ZNF740: variants seen among roughly 807,000 people sequenced by gnomAD.
ZNF740 encodes the protein oriLyt TD-element-binding protein 7.
A neutral mutation model predicts 24.8 loss-of-function variants in ZNF740; 14 were observed. That is an observed-to-expected ratio of 0.56 (90% CI 0.37 to 0.88). The LOEUF is 0.88. Ranked by LOEUF, ZNF740 falls within the 40% of genes least tolerant of loss-of-function variation. ZNF740 has a pLI of 0.00. For synonymous variants in ZNF740, 69 were observed against 84.0 expected (o/e 0.82, Z 0.98); for missense variants, 201 against 247.9 (o/e 0.81, Z 1.27).
chr12:53,190,887 G>A lies in ZNF740; in HGVS notation c.*3297G>A, dbSNP rs1163022379. 1 of 152,558 alleles carries A rather than the reference G, an allele frequency of 6.6e-6. No homozygotes were observed. Among genetic ancestry groups the A allele is most frequent in the Non-Finnish European group, 1.5e-5 (1 of 68,424 alleles). 9.5% of individuals were successfully genotyped at this position (152,558 alleles called of 1,614,324 possible). On this transcript the variant is annotated 3_prime_UTR_variant, in exon 7 of 7. Transcript: ENST00000416904. ...TACATACTATCTCCTCTTTGGGGAA[G>A]CTTTTTCATACTGGTTTTAGTTGTT...
Position 53,192,770 on chromosome 12 carries a change from G to A in ZNF740, c.*5180G>A, listed in dbSNP as rs377089571. ...TAGTAGCCGTCCAAGCACTGGCAGCGGTTGCATTTGCAGCGTCCATGCCCA... is the reference window on the plus strand; with the variant it reads ...TAGTAGCCGTCCAAGCACTGGCAGCAGTTGCATTTGCAGCGTCCATGCCCA... On this transcript the variant is annotated 3_prime_UTR_variant, in exon 7 of 7. Coordinates refer to ENST00000416904, the MANE Select transcript of ZNF740 (RefSeq NM_001004304.4). The A allele has an allele frequency of 8.1e-6, 13 of 1,614,116 alleles. No individual in the cohort carries two copies. The highest frequency in any genetic ancestry group is 4.0e-5 in the African/African-American group (3 of 74,948).
intron 2 of ZNF740, 118 bp from the exon 3 acceptor site, chr12:53,184,773 C>A: frequency 1.7e-6 from 2 of 1,208,746 alleles, no homozygotes; most frequent in Non-Finnish European, 1.2e-6. Flanking sequence ...TGAGGAGGGA[C>A]ATTCCCTGGA....
intron 2 of ZNF740, 34 bp downstream of exon 2, chr12:53,182,026 T>C (rs750415667): frequency 4.4e-6 from 7 of 1,602,182 alleles, no homozygotes; most frequent in Admixed American, 1.7e-5. Flanking sequence ...CCAAGATAAC[T>C]GGGAAGCCTG....
At position 53,193,567 on chromosome 12, in the gene ZNF740, A is replaced by G. The variant is rs1942046145; in HGVS notation, c.*5977A>G. 1 of 816,940 alleles carries G rather than the reference A, an allele frequency of 1.2e-6. No individual in the cohort carries two copies. Among genetic ancestry groups the G allele is most frequent in the African/African-American group, 1.7e-5 (1 of 57,356 alleles). The allele number at this position is 816,940 out of a possible 1,614,324, so 50.6% of individuals were successfully genotyped here. A position where few individuals can be genotyped will look rare whatever the true frequency, so the allele number is the denominator to read the frequency against. The stretch of plus-strand genomic sequence containing the variant: ...GGGGAGGGCCTGGACATACATGGGA[A>G]GCTTCAAGGGATGAAACTGAGTGGG... On this transcript the variant is annotated 3_prime_UTR_variant, in exon 7 of 7. Coordinates refer to ENST00000416904, the MANE Select transcript of ZNF740 (RefSeq NM_001004304.4).
chr12:53,181,307 C>G, intron 1 of ZNF740: 1 of 985,408 alleles, frequency 1.0e-6, no homozygotes, highest in Non-Finnish European at 1.2e-6. Flanking sequence ...CAGCGATGGC[C>G]CTTGAGCTTT....
At position 53,194,144 on chromosome 12, in the gene ZNF740, T is replaced by C; in HGVS notation, c.*6554T>C. On this transcript the variant is annotated 3_prime_UTR_variant, in exon 7 of 7. Transcript: ENST00000416904. The stretch of plus-strand genomic sequence containing the variant: ...ACCCATCTTTTCCTGCCTGCTTAAT[T>C]TCCCACTCCCACCTCCCCCTGCCCG... 1 of 1,609,960 alleles carries C rather than the reference T, an allele frequency of 6.2e-7. No individual in the cohort carries two copies. Among genetic ancestry groups the C allele is most frequent in the Non-Finnish European group, 8.5e-7 (1 of 1,177,134 alleles).
At chr12:53,185,255 A>G (rs1158131043) in intron 3 of ZNF740, 132 bp from the exon 4 acceptor site, 1 of 1,165,736 alleles carries the variant, frequency 8.6e-7, no homozygotes, top group East Asian at 2.5e-5. Context: ...GAGAGGAAAT[A>G]GTTGTATACT....
rs924489464 is a variant in ZNF740, at chr12:53,194,502, G to A, written c.*6912G>A. The A allele has an allele frequency of 4.6e-6, 3 of 657,408 alleles. No homozygotes were observed. The highest frequency in any genetic ancestry group is 3.6e-5 in the African/African-American group (2 of 54,926). 40.7% of individuals were successfully genotyped at this position (657,408 alleles called of 1,614,324 possible). The stretch of plus-strand genomic sequence containing the variant: ...CCAGTCGAGGCATTTCTGGAGGGAG[G>A]ACCCGTGAGAACCTTGCATAGAACA... On this transcript the variant is annotated 3_prime_UTR_variant, in exon 7 of 7. Transcript: ENST00000416904.
At chr12:53,182,969 A>C (rs535732652) in intron 2 of ZNF740, among the ~76,000 whole-genome samples, 1 of 152,346 alleles carries the variant, frequency 6.6e-6, no homozygotes, top group East Asian at 1.9e-4. Context: ...AGCTATGTGC[A>C]CACATCTCCA....
intron 5 of ZNF740, 88 bp from the exon 6 acceptor site, chr12:53,186,303 A>T: frequency 7.8e-7 from 1 of 1,290,020 alleles, no homozygotes; most frequent in Non-Finnish European, 1.1e-6. Flanking sequence ...TCTACACATT[A>T]CTAAGAGTTA....
In ZNF740 at chr12:53,194,019, C is replaced by T. The variant is rs1040430045; in HGVS notation, c.*6429C>T. 1.8e-5 allele frequency: 24 copies of T among 1,305,922 alleles called. No individual in the cohort carries two copies. Among genetic ancestry groups the T allele is most frequent in the Non-Finnish European group, 2.6e-5 (24 of 937,974 alleles). The allele number at this position is 1,305,922 out of a possible 1,614,324, so 80.9% of individuals were successfully genotyped here. A position where few individuals can be genotyped will look rare whatever the true frequency, so the allele number is the denominator to read the frequency against. ...ATGAAGGGATGGGGTCATGTTAACACCCAACTCCTAGAAACATGCCTGAGG... is the reference window on the plus strand; with the variant it reads ...ATGAAGGGATGGGGTCATGTTAACATCCAACTCCTAGAAACATGCCTGAGG... On this transcript the variant is annotated 3_prime_UTR_variant, in exon 7 of 7. Transcript: ENST00000416904.
rs1250032343 is a variant in ZNF740 at position 53,191,501 on chromosome 12, C to G, written c.*3911C>G. On this transcript the variant is annotated 3_prime_UTR_variant, in exon 7 of 7. Coordinates refer to ENST00000416904, the MANE Select transcript of ZNF740 (RefSeq NM_001004304.4). ...ACAGACCCACCCTTCCTCTCACCCT[C>G]CAGTTCCCACTGTCCTCCAAGGAGA... 1.4e-6 allele frequency: 2 copies of G among 1,399,966 alleles called. No individual in the cohort carries two copies. Among genetic ancestry groups the G allele is most frequent in the Non-Finnish European group, 2.0e-6 (2 of 984,946 alleles). 86.7% of individuals were successfully genotyped at this position (1,399,966 alleles called of 1,614,324 possible).
In ZNF740 at chr12:53,192,028, A is replaced by C. The variant is rs995557067; in HGVS notation, c.*4438A>C. 2 of 1,609,594 alleles carry C rather than the reference A, an allele frequency of 1.2e-6. No individual in the cohort carries two copies. The highest frequency in any genetic ancestry group is 2.7e-5 in the African/African-American group (2 of 74,768). ...CGTGTGGTCTGCTCCCTCTGTGAAC[A>C]AGAAACCAGACACACTTGTGGGAGC... On this transcript the variant is annotated 3_prime_UTR_variant, in exon 7 of 7. Coordinates refer to ENST00000416904, the MANE Select transcript of ZNF740 (RefSeq NM_001004304.4).
Position 53,191,414 on chromosome 12 carries a change from C to A in ZNF740, c.*3824C>A, listed in dbSNP as rs550074073. 2.8e-6 allele frequency: 2 copies of A among 710,036 alleles called. No homozygotes were observed. Among genetic ancestry groups the A allele is most frequent in the African/African-American group, 3.5e-5 (2 of 57,678 alleles). The allele number at this position is 710,036 out of a possible 1,614,324, so 44.0% of individuals were successfully genotyped here. A position where few individuals can be genotyped will look rare whatever the true frequency, so the allele number is the denominator to read the frequency against. ...GGAAGCAGCCCTCTTGGGTGTCACT[C>A]TGAAAATGAAGTAGGGTGGTGGCCG... On this transcript the variant is annotated 3_prime_UTR_variant, in exon 7 of 7. Transcript: ENST00000416904.
chr12:53,186,049 C>T lies in ZNF740; in HGVS notation c.345C>T (p.His115=), dbSNP rs374864002. The T allele has an allele frequency of 2.5e-6, 4 of 1,613,892 alleles. No individual in the cohort carries two copies. The highest frequency in any genetic ancestry group is 2.5e-6 in the Non-Finnish European group (3 of 1,179,824). Residue 115 remains histidine, a synonymous_variant, in exon 5 of 7, where the codon CAC becomes CAT. Transcript: ENST00000416904. ...HCFGAFRSSY[H]LKRHILIHTG... Reference sequence around the variant, plus strand: ...TTGGAGCCTTTCGGAGCAGTTACCACCTAAAGAGGCACATCCTTATTCACA... The same window carrying T: ...TTGGAGCCTTTCGGAGCAGTTACCATCTAAAGAGGCACATCCTTATTCACA...
At position 53,195,096 on chromosome 12, in the gene ZNF740, C is replaced by G. The variant is rs1592401364; in HGVS notation, c.*7506C>G. On this transcript the variant is annotated 3_prime_UTR_variant, in exon 7 of 7. Transcript: ENST00000416904. ...ATGAAGTAGCAAACAGTATGTACAC[C>G]TAGGATGGTGGGCGCATGAAATAAA... 2 of 476,474 alleles carry G rather than the reference C, an allele frequency of 4.2e-6. No homozygotes were observed. Among genetic ancestry groups the G allele is most frequent in the Non-Finnish European group, 7.7e-6 (2 of 261,404 alleles). 29.5% of individuals were successfully genotyped at this position (476,474 alleles called of 1,614,324 possible). A position where few individuals can be genotyped will look rare whatever the true frequency, so the allele number is the denominator to read the frequency against.
At chr12:53,186,753 C>A in intron 6 of ZNF740, 1 of 375,260 alleles carries the variant, frequency 2.7e-6, no homozygotes, top group Non-Finnish European at 4.9e-6. Context: ...ACTGTGAGAG[C>A]ATACTTTACA....
intron 3 of ZNF740, 140 bp from the exon 4 acceptor site, chr12:53,185,246 AG>A: frequency 1.7e-6 from 2 of 1,149,422 alleles, no homozygotes; most frequent in Non-Finnish European, 2.5e-6. Flanking sequence ...AGGTGCTTGG[AG>A]AGGAAATAGT....
chr12:53,192,199 T>G lies in ZNF740; in HGVS notation c.*4609T>G. 1 of 1,219,150 alleles carries G rather than the reference T, an allele frequency of 8.2e-7. No homozygotes were observed. The highest frequency in any genetic ancestry group is 1.2e-6 in the Non-Finnish European group (1 of 863,686). The allele number at this position is 1,219,150 out of a possible 1,614,324, so 75.5% of individuals were successfully genotyped here. A position where few individuals can be genotyped will look rare whatever the true frequency, so the allele number is the denominator to read the frequency against. The stretch of plus-strand genomic sequence containing the variant: ...AGCCTCGTCCACTTGCTCAATTGCC[T>G]CTGCCTTTGTCCTGGATTCACAGTT... On this transcript the variant is annotated 3_prime_UTR_variant, in exon 7 of 7. Coordinates refer to ENST00000416904, the MANE Select transcript of ZNF740 (RefSeq NM_001004304.4).
Sources: allele counts gnomAD v4.1 joint callset (sites outside exome capture counted in the v4.1 genomes callset), GRCh38; gene constraint gnomAD v4.1.1; transcripts MANE v1.5; gene names NCBI Gene and HGNC (gene_info 2026-07-23, HGNC 2026-07-21).